Variants in PLCB4 observed in about 807,000 individuals in gnomAD.
PLCB4 encodes the protein phospholipase C beta 4, also known as 1-phosphatidylinositol 4,5-bisphosphate phosphodiesterase beta-4.
In PLCB4, 77 loss-of-function variants were observed where a neutral mutation model predicts 178.8. The ratio of observed to expected loss-of-function variants is 0.43; its 90% CI spans 0.36 to 0.52. The LOEUF (loss-of-function observed/expected upper bound fraction) is 0.52. Among genes scored for constraint, PLCB4 ranks in the 20% least tolerant of loss-of-function variants. The pLI is 0.00. For missense variants in PLCB4, 1,024 were observed against 1,453.4 expected, an observed-to-expected ratio of 0.70 and a Z score of 4.80; for synonymous variants, 496 against 490.8, an observed-to-expected ratio of 1.01 and a Z score of -0.14.
At chr20:9,122,036 A>T (rs2091974577) in intron 2 of PLCB4, among the ~76,000 whole-genome samples, 1 of 152,192 alleles carries the variant, frequency 6.6e-6, no homozygotes, top group Non-Finnish European at 1.5e-5. Context: ...AAATTTAAAC[A>T]TGAGTGTGTT....
chr20:9,113,802 G>A (rs992194077), intron 2 of PLCB4, among the ~76,000 whole-genome samples: 23 of 152,086 alleles, frequency 1.5e-4, no homozygotes, highest in African/African-American at 4.8e-4. Context: ...GTCATTTGGC[G>A]TCCCTATTAA....
chr20:9,139,526 G>A (rs963776341), intron 2 of PLCB4, among the ~76,000 whole-genome samples: 10 of 152,042 alleles, frequency 6.6e-5, no homozygotes, highest in Admixed American at 4.6e-4. Context: ...GAGGGAGCTG[G>A]CTTCCAAGAG....
At chr20:9,456,028 G>A (rs1053878069) in intron 33 of PLCB4, among the ~76,000 whole-genome samples, 3 of 152,104 alleles carry the variant, frequency 2.0e-5, no homozygotes, top group Non-Finnish European at 2.9e-5. Flanking sequence ...TAGAAATGGG[G>A]TTTCACCATG....
At chr20:9,361,510 G>T (rs1356378915) in intron 7 of PLCB4, among the ~76,000 whole-genome samples, 1 of 152,112 alleles carries the variant, frequency 6.6e-6, no homozygotes, top group East Asian at 1.9e-4. Flanking sequence ...TTATTTAATG[G>T]ATATGGAGTT....
chr20:9,310,979 G>C (rs1435532827), intron 4 of PLCB4, among the ~76,000 whole-genome samples: 1 of 152,112 alleles, frequency 6.6e-6, no homozygotes, highest in Non-Finnish European at 1.5e-5. Flanking sequence ...TGACTTACAC[G>C]TTACTTAAAT....
At chr20:9,441,044 G>A (rs1280173600) in intron 30 of PLCB4, among the ~76,000 whole-genome samples, 1 of 152,174 alleles carries the variant, frequency 6.6e-6, no homozygotes, top group Non-Finnish European at 1.5e-5. Context: ...TAGAATGGAA[G>A]GCATCATGAA....
intron 2 of PLCB4, among the ~76,000 whole-genome samples, chr20:9,118,522 T>C (rs951003782): frequency 1.3e-5 from 2 of 152,108 alleles, no homozygotes; most frequent in African/African-American, 4.8e-5. Flanking sequence ...CAAGACATTT[T>C]ACATTCTTTT....
chr20:9,413,576 G>A (rs112131763), intron 25 of PLCB4, among the ~76,000 whole-genome samples: 5,142 of 151,010 alleles, frequency 0.034, 298 homozygotes, highest in African/African-American at 0.12. Flanking sequence ...GGAGAATGTC[G>A]TGAACCTGGG....
chr20:9,130,842 A>T (rs760647353), intron 2 of PLCB4, among the ~76,000 whole-genome samples: 1 of 152,202 alleles, frequency 6.6e-6, no homozygotes, highest in Non-Finnish European at 1.5e-5. Flanking sequence ...CTCTGTGCCA[A>T]CACAGACCAT....
chr20:9,474,687 A>T (rs2044424620), intron 38 of PLCB4, among the ~76,000 whole-genome samples: 1 of 152,076 alleles, frequency 6.6e-6, no homozygotes, highest in Non-Finnish European at 1.5e-5. Context: ...AAATAAAATA[A>T]AATAAAATAA....
intron 2 of PLCB4, among the ~76,000 whole-genome samples, chr20:9,128,745 G>A (rs1305949257): frequency 1.3e-5 from 2 of 152,108 alleles, no homozygotes; most frequent in Non-Finnish European, 2.9e-5. Flanking sequence ...TCACAGAATT[G>A]CACAACCATC....
intron 35 of PLCB4, among the ~76,000 whole-genome samples, chr20:9,467,887 G>A (rs2043904135): frequency 6.6e-6 from 1 of 152,166 alleles, no homozygotes; most frequent in African/African-American, 2.4e-5. Flanking sequence ...AATATACTAT[G>A]TAGCATTTTA....
chr20:9,090,225 A>ATGTGTGTGTGTGTG (rs11087835), intron 1 of PLCB4, among the ~76,000 whole-genome samples: 3,286 of 149,462 alleles, frequency 0.022, 44 homozygotes, highest in Middle Eastern at 0.076. Flanking sequence ...AATACTATTT[A>ATGTGTGTGTGTGTG]TGTGTGTGTG....
At chr20:9,337,029 G>A in intron 4 of PLCB4, 97 bp from the exon 5 acceptor site, 1 of 788,656 alleles carries the variant, frequency 1.3e-6, no homozygotes, top group Non-Finnish European at 2.3e-6. Flanking sequence ...ATACAAAAGA[G>A]TGATTTCTAA....
chr20:9,139,891 A>G (rs1483841045), intron 2 of PLCB4, among the ~76,000 whole-genome samples: 1 of 152,018 alleles, frequency 6.6e-6, no homozygotes, highest in Non-Finnish European at 1.5e-5. Flanking sequence ...TGACAGGGCC[A>G]AGTCTTGTGC....
chr20:9,269,478 A>G (rs2094381679), intron 3 of PLCB4, among the ~76,000 whole-genome samples: 1 of 152,154 alleles, frequency 6.6e-6, no homozygotes, highest in Admixed American at 6.5e-5. Flanking sequence ...AATATGTTCA[A>G]CTATGTCATC....
At chr20:9,397,164 T>C (rs549037271) in intron 19 of PLCB4, among the ~76,000 whole-genome samples, 1 of 152,358 alleles carries the variant, frequency 6.6e-6, no homozygotes, top group East Asian at 1.9e-4. Context: ...TGTGTTGTCA[T>C]TTCAACAATG....
chr20:9,419,931 A>C (rs528687558), intron 26 of PLCB4, 22 bp downstream of exon 26: 2 of 1,435,470 alleles, frequency 1.4e-6, no homozygotes, highest in African/African-American at 2.8e-5. Flanking sequence ...GCTCATCACA[A>C]GGTAGTATAA....
intron 28 of PLCB4, among the ~76,000 whole-genome samples, chr20:9,431,758 C>T (rs2041430899): frequency 6.6e-6 from 1 of 151,932 alleles, no homozygotes; most frequent in Non-Finnish European, 1.5e-5. Flanking sequence ...GATCCACCCA[C>T]CTCAGCCTCC....
Sources: allele counts gnomAD v4.1 joint callset (sites outside exome capture counted in the v4.1 genomes callset), GRCh38; gene constraint gnomAD v4.1.1; transcripts MANE v1.5; gene names NCBI Gene and HGNC (gene_info 2026-07-23, HGNC 2026-07-21).